The following WDFY4 variants were observed in gnomAD, a reference collection of about 807,000 sequenced individuals.
WDFY4 encodes the protein WDFY family member 4.
In WDFY4, 169 loss-of-function variants were observed where a neutral mutation model predicts 351.9. The observed-to-expected ratio is 0.48, with a 90% confidence interval of 0.42 to 0.55. The LOEUF is 0.55. WDFY4 is among the 20% of genes least tolerant of loss of function. WDFY4 has a pLI of 0.00. For synonymous variants in WDFY4, 1,622 were observed against 1,574.6 expected (o/e 1.03, Z -0.71); for missense variants, 3,803 against 3,935.6 (o/e 0.97, Z 0.90).
At chr10:48,849,582 G>C (rs1349720044) in intron 39 of WDFY4, among the ~76,000 whole-genome samples, 1 of 152,212 alleles carries the variant, frequency 6.6e-6, no homozygotes, top group African/African-American at 2.4e-5. Context: ...CTCCATCCCA[G>C]GTTCACAGTG....
intron 39 of WDFY4, among the ~76,000 whole-genome samples, chr10:48,862,789 G>T (rs555683853): frequency 1.2e-4 from 18 of 152,134 alleles, no homozygotes; most frequent in African/African-American, 4.1e-4. Flanking sequence ...TATATTCCCA[G>T]ATATGTGCCA....
intron 40 of WDFY4, among the ~76,000 whole-genome samples, chr10:48,868,935 T>A (rs549480771): frequency 6.6e-6 from 1 of 152,254 alleles, no homozygotes; most frequent in South Asian, 2.1e-4. Flanking sequence ...ACCTGAAAGG[T>A]TAGCCTGTCT....
intron 31 of WDFY4, among the ~76,000 whole-genome samples, chr10:48,816,661 G>T (rs2067629806): frequency 6.6e-6 from 1 of 152,088 alleles, no homozygotes; most frequent in African/African-American, 2.4e-5. Flanking sequence ...TCAAAATAAA[G>T]CAAACAAAAG....
Position 48,866,987 on chromosome 10 carries a change from G to A in WDFY4, c.6664-278G>A, listed in dbSNP as rs933074353. Among the ~76,000 whole-genome samples the A allele has an allele frequency of 4.6e-5, 7 of 151,952 alleles. No individual in the cohort carries two copies. The South Asian group carries it at 1.5e-3, about 32-fold the overall frequency. On this transcript the variant is annotated intron_variant, in intron 39 of 61. Coordinates refer to ENST00000325239, the MANE Select transcript of WDFY4 (RefSeq NM_001394531.1). ...GAAGTTCAAGACCAGCCTGGCCAATGTGGTGAAACCTGTCTCTACTAAAAA... is the reference window on the plus strand; with the variant it reads ...GAAGTTCAAGACCAGCCTGGCCAATATGGTGAAACCTGTCTCTACTAAAAA...
At chr10:48,701,937 G>A (rs1343301931) in intron 1 of WDFY4, among the ~76,000 whole-genome samples, 1 of 152,202 alleles carries the variant, frequency 6.6e-6, no homozygotes, top group African/African-American at 2.4e-5. Context: ...CAGGATAAAA[G>A]CTGAAGCCAA....
chr10:48,843,900 T>C (rs796478041), intron 39 of WDFY4, among the ~76,000 whole-genome samples: 10 of 152,362 alleles, frequency 6.6e-5, no homozygotes, highest in African/African-American at 1.9e-4. Context: ...TTCAAAAACA[T>C]ATTCATCAAG....
At chr10:48,739,093 G>T (rs2064766422) in intron 11 of WDFY4, among the ~76,000 whole-genome samples, 1 of 152,230 alleles carries the variant, frequency 6.6e-6, no homozygotes, top group South Asian at 2.1e-4. Flanking sequence ...AATTCAGATT[G>T]ATTTGCTAAT....
chr10:48,832,106 C>T (rs540900349), intron 38 of WDFY4, among the ~76,000 whole-genome samples: 1 of 152,188 alleles, frequency 6.6e-6, no homozygotes, highest in Non-Finnish European at 1.5e-5. Context: ...TATACATATC[C>T]ATGCACATAG....
At chr10:48,885,204 G>A (rs1215739855) in intron 43 of WDFY4, among the ~76,000 whole-genome samples, 2 of 152,074 alleles carry the variant, frequency 1.3e-5, no homozygotes, top group Non-Finnish European at 2.9e-5. Flanking sequence ...CTGTTGAATT[G>A]AAACTTCTGG....
At chr10:48,953,066 G>A (rs915491498) in intron 51 of WDFY4, among the ~76,000 whole-genome samples, 9 of 151,854 alleles carry the variant, frequency 5.9e-5, no homozygotes, top group South Asian at 4.2e-4. Context: ...CTCTGTCCTC[G>A]CCACTGGAAG....
At chr10:48,973,342 C>A (rs1047385242) in intron 57 of WDFY4, among the ~76,000 whole-genome samples, 1 of 152,168 alleles carries the variant, frequency 6.6e-6, no homozygotes, top group African/African-American at 2.4e-5. Context: ...CTAGGATGAC[C>A]CAAATCTTCT....
At chr10:48,904,175 T>G (rs1837499510) in intron 47 of WDFY4, among the ~76,000 whole-genome samples, 1 of 152,184 alleles carries the variant, frequency 6.6e-6, no homozygotes. Flanking sequence ...GCACTTACCC[T>G]TTATAGATTG....
At chr10:48,866,532 A>T (rs1264784903) in intron 39 of WDFY4, among the ~76,000 whole-genome samples, 1 of 152,176 alleles carries the variant, frequency 6.6e-6, no homozygotes, top group Non-Finnish European at 1.5e-5. Context: ...GAAAATTTGC[A>T]TGTATCTCAA....
chr10:48,705,823 A>G (rs540827175), intron 1 of WDFY4, among the ~76,000 whole-genome samples: 8 of 152,272 alleles, frequency 5.3e-5, no homozygotes, highest in African/African-American at 1.9e-4. Flanking sequence ...GTCCCCACCC[A>G]TCGCAGTTCC....
chr10:48,884,642 A>G (rs919168512), intron 43 of WDFY4, among the ~76,000 whole-genome samples: 3 of 152,082 alleles, frequency 2.0e-5, no homozygotes, highest in Non-Finnish European at 4.4e-5. Context: ...CACCCCTCTG[A>G]CTTTTTAATT....
chr10:48,699,006 A>G (rs1271330670), intron 1 of WDFY4, among the ~76,000 whole-genome samples: 1 of 152,002 alleles, frequency 6.6e-6, no homozygotes, highest in Non-Finnish European at 1.5e-5. Flanking sequence ...TGCACTATAG[A>G]CCTAGCCGGC....
chr10:48,981,490 C>T lies in WDFY4; in HGVS notation c.9488+12C>T, dbSNP rs1260686094. The T allele has an allele frequency of 1.3e-6, 2 of 1,551,198 alleles. No individual in the cohort carries two copies. Among genetic ancestry groups the T allele is most frequent in the South Asian group, 1.2e-5 (1 of 84,048 alleles). The stretch of plus-strand genomic sequence containing the variant: ...CTGGCCGTGTCCAGGTAAGCGCGGC[C>T]TTGTTTCTCTGGGTCTCCAGCAGAG... On this transcript the variant is annotated intron_variant, in intron 61 of 61. Coordinates refer to ENST00000325239, the MANE Select transcript of WDFY4 (RefSeq NM_001394531.1).
At chr10:48,798,392 T>C (rs2066944883) in intron 24 of WDFY4, among the ~76,000 whole-genome samples, 1 of 150,872 alleles carries the variant, frequency 6.6e-6, no homozygotes, top group Non-Finnish European at 1.5e-5. Flanking sequence ...TCTGTTAAGA[T>C]TGGCCAAGAA....
chr10:48,976,841 T>A lies in WDFY4; in HGVS notation c.9153T>A (p.Asn3051Lys). ...CGGGAGCACACTTGTCCCTGTGGAA[T>A]GTCAATGGACAGCCCCTGGCCAGCA... The part of the protein sequence containing the change: ...SCAGAHLSLW[N>K]VNGQPLASIT... The change falls in exon 59 of 62, where the codon AAT becomes AAA. Residue 3051 changes from asparagine to lysine, a missense_variant. This residue lies in a region of WDFY4 where 3,054 missense variants were observed against 3,148.6 expected (regional missense o/e 0.97). Coordinates refer to ENST00000325239, the MANE Select transcript of WDFY4 (RefSeq NM_001394531.1). The A allele has an allele frequency of 1.3e-6, 2 of 1,520,482 alleles. No homozygotes were observed. Among genetic ancestry groups the A allele is most frequent in the South Asian group, 1.3e-5 (1 of 79,718 alleles). 94.2% of individuals were successfully genotyped at this position (1,520,482 alleles called of 1,614,324 possible). A position where few individuals can be genotyped will look rare whatever the true frequency, so the allele number is the denominator to read the frequency against.
Sources: allele counts gnomAD v4.1 joint callset (sites outside exome capture counted in the v4.1 genomes callset), GRCh38; gene constraint gnomAD v4.1.1; regional missense constraint gnomAD v4.1.1; transcripts MANE v1.5; gene names NCBI Gene and HGNC (gene_info 2026-07-23, HGNC 2026-07-21).